Variants in WDR7 observed in about 807,000 individuals in gnomAD.
WDR7 encodes the protein WD repeat-containing protein 7.
A neutral mutation model predicts 169.4 loss-of-function variants in WDR7; 46 were observed. The ratio of observed to expected loss-of-function variants is 0.27; its 90% CI spans 0.21 to 0.35. The LOEUF is 0.35. WDR7 is among the 10% of genes least tolerant of loss of function. The pLI, the probability that WDR7 is intolerant of heterozygous loss-of-function variation, is 1.00. For synonymous variants in WDR7, 612 were observed against 666.8 expected, an observed-to-expected ratio of 0.92 and a Z score of 1.27; for missense variants, 1,534 against 1,859.3, an observed-to-expected ratio of 0.83 and a Z score of 3.22.
chr18:57,001,595 C>G (rs1256405280), intron 26 of WDR7, among the ~76,000 whole-genome samples: 4 of 152,116 alleles, frequency 2.6e-5, no homozygotes, highest in Admixed American at 6.6e-5. Flanking sequence ...TTTAAGTGCA[C>G]AGTTTGATAA....
chr18:57,000,723 G>A (rs1257826358), intron 26 of WDR7, among the ~76,000 whole-genome samples: 1 of 152,128 alleles, frequency 6.6e-6, no homozygotes, highest in Non-Finnish European at 1.5e-5. Context: ...TCTAGAAAAT[G>A]TTCAAAAGCT....
At position 56,900,151 on chromosome 18, in the gene WDR7, T is replaced by G. The variant is rs538096225; in HGVS notation, c.3526+19986T>G. Among the ~76,000 whole-genome samples the G allele has an allele frequency of 6.0e-5, 9 of 150,852 alleles. 2 individuals are homozygous for G. In the South Asian group the frequency reaches 1.7e-3, roughly 28 times the overall value. On this transcript the variant is annotated intron_variant, in intron 21 of 27. Coordinates refer to ENST00000254442, the MANE Select transcript of WDR7 (RefSeq NM_015285.3). ...TTTTGATTTAGGCATTTTAGTAAATTTTCACTGTTATCAGAAATTTTATCT... is the reference window on the plus strand; with the variant it reads ...TTTTGATTTAGGCATTTTAGTAAATGTTCACTGTTATCAGAAATTTTATCT...
chr18:56,956,373 G>T (rs901898860), intron 25 of WDR7, among the ~76,000 whole-genome samples: 2 of 152,084 alleles, frequency 1.3e-5, no homozygotes, highest in Non-Finnish European at 2.9e-5. Context: ...ATTCTGGAGG[G>T]TGTATGCAAA....
chr18:56,678,271 C>CT (rs1434500056), intron 2 of WDR7, among the ~76,000 whole-genome samples: 1 of 152,158 alleles, frequency 6.6e-6, no homozygotes, highest in African/African-American at 2.4e-5. Context: ...GGATTGGTCC[C>CT]TGTTGCCTTA....
intron 20 of WDR7, among the ~76,000 whole-genome samples, chr18:56,840,130 G>A (rs1399722114): frequency 2.0e-5 from 3 of 151,970 alleles, no homozygotes; most frequent in Non-Finnish European, 4.4e-5. Context: ...GACTCATGAT[G>A]GGGAAGGAAG....
intron 26 of WDR7, among the ~76,000 whole-genome samples, chr18:56,975,022 G>A (rs1268406411): frequency 6.6e-6 from 1 of 152,038 alleles, no homozygotes; most frequent in Non-Finnish European, 1.5e-5. Flanking sequence ...GGTGGATCAC[G>A]GGGTCAGGAG....
intron 9 of WDR7, among the ~76,000 whole-genome samples, chr18:56,693,573 G>GTTTTTTTTT (rs1254201598): frequency 1.8e-5 from 1 of 54,444 alleles, no homozygotes; most frequent in African/African-American, 6.2e-5. Flanking sequence ...TTTTTTTTTT[G>GTTTTTTTTT]TTTTTTTTTT....
chr18:56,738,914 A>C (rs920031846), intron 14 of WDR7, among the ~76,000 whole-genome samples: 2 of 149,296 alleles, frequency 1.3e-5, no homozygotes, highest in African/African-American at 4.9e-5. Context: ...TTTTTTGGTA[A>C]CTCAGTGCAA....
chr18:57,019,726 A>T (rs1462830601), intron 26 of WDR7, among the ~76,000 whole-genome samples: 1 of 152,164 alleles, frequency 6.6e-6, no homozygotes, highest in Non-Finnish European at 1.5e-5. Context: ...GGGCCGAAAC[A>T]CATAACAAGC....
At chr18:56,895,335 A>G (rs969726012) in intron 21 of WDR7, among the ~76,000 whole-genome samples, 1 of 151,958 alleles carries the variant, frequency 6.6e-6, no homozygotes, top group Non-Finnish European at 1.5e-5. Flanking sequence ...AAAACCGGGA[A>G]GTAAAATACA....
At chr18:56,731,793 A>G (rs1480543492) in intron 14 of WDR7, among the ~76,000 whole-genome samples, 196 bp downstream of exon 14, 1 of 152,214 alleles carries the variant, frequency 6.6e-6, no homozygotes, top group African/African-American at 2.4e-5. Flanking sequence ...TATTATTCTT[A>G]CCATTCAAAT....
At chr18:56,792,731 A>G (rs2044512019) in intron 19 of WDR7, among the ~76,000 whole-genome samples, 1 of 149,666 alleles carries the variant, frequency 6.7e-6, no homozygotes, top group African/African-American at 2.5e-5. Flanking sequence ...TCTGCTCCCT[A>G]AAAACCTTCT....
At chr18:56,693,891 G>A (rs1043209852) in intron 9 of WDR7, among the ~76,000 whole-genome samples, 1 of 150,938 alleles carries the variant, frequency 6.6e-6, no homozygotes, top group Non-Finnish European at 1.5e-5. Flanking sequence ...TTTTTTTGAG[G>A]CAAGGTCTTG....
In WDR7 at chr18:57,027,311, C is replaced by G. The variant is rs913164014; in HGVS notation, c.*104C>G. On this transcript the variant is annotated 3_prime_UTR_variant, in exon 28 of 28. Transcript: ENST00000254442. ...AGATTGTTCCCAGGGGCCTGCCCAC[C>G]CCAGTGCCATCCAGTGGCACGGCCG... 1.7e-5 allele frequency: 24 copies of G among 1,407,374 alleles called. No homozygotes were observed. In the African/African-American group the frequency reaches 3.3e-4, roughly 19 times the overall value. 87.2% of individuals were successfully genotyped at this position (1,407,374 alleles called of 1,614,324 possible).
At chr18:56,897,679 TAAAAG>T (rs1444163771) in intron 21 of WDR7, among the ~76,000 whole-genome samples, 1 of 151,910 alleles carries the variant, frequency 6.6e-6, no homozygotes, top group African/African-American at 2.4e-5. Context: ...TTGAGCCAAA[TAAAAG>T]AAGGGCATAA....
chr18:57,019,676 T>C (rs2048259668), intron 26 of WDR7, among the ~76,000 whole-genome samples: 2 of 152,180 alleles, frequency 1.3e-5, no homozygotes, highest in South Asian at 2.1e-4. Flanking sequence ...CATTCAGATA[T>C]GTAATATGAA....
intron 22 of WDR7, among the ~76,000 whole-genome samples, chr18:56,931,912 G>A (rs1370236438): frequency 6.6e-6 from 1 of 152,152 alleles, no homozygotes; most frequent in Non-Finnish European, 1.5e-5. Flanking sequence ...AAAAGAGTGA[G>A]TTGAAAATTA....
intron 20 of WDR7, among the ~76,000 whole-genome samples, chr18:56,870,348 A>G (rs948098685): frequency 6.6e-6 from 1 of 152,152 alleles, no homozygotes; most frequent in Non-Finnish European, 1.5e-5. Flanking sequence ...TGTTTGAGCC[A>G]TACATATATG....
intron 14 of WDR7, among the ~76,000 whole-genome samples, chr18:56,748,889 C>T (rs908599057): frequency 6.6e-6 from 1 of 152,084 alleles, no homozygotes; most frequent in African/African-American, 2.4e-5. Context: ...TTTCAGTCTC[C>T]ACAGTTTCTT....
Sources: gnomAD v4.1 joint callset for allele counts (sites outside exome capture counted in the v4.1 genomes callset) on GRCh38, gnomAD v4.1.1 for gene constraint, MANE v1.5 for transcripts, NCBI Gene and HGNC (gene_info 2026-07-23, HGNC 2026-07-21) for gene names.